FUBP1: variants seen among roughly 807,000 people sequenced by gnomAD.
FUBP1 encodes the protein far upstream element binding protein 1, also known as far upstream element-binding protein 1.
In FUBP1, 16 loss-of-function variants were observed where a neutral mutation model predicts 94.9. The ratio of observed to expected loss-of-function variants is 0.17; its 90% CI spans 0.11 to 0.26. The LOEUF (loss-of-function observed/expected upper bound fraction) is 0.26, where lower values mean the gene tolerates loss of function less well. Ranked by LOEUF, FUBP1 falls within the 10% of genes least tolerant of loss-of-function variation. The probability of loss-of-function intolerance (pLI) is 1.00; values close to 1 mark genes in which losing one functional copy is unlikely to be tolerated. For missense variants in FUBP1, 583 were observed against 808.6 expected, an observed-to-expected ratio of 0.72 and a Z score of 3.38; for synonymous variants, 279 against 254.9, an observed-to-expected ratio of 1.09 and a Z score of -0.90.
chr1:77,949,392 T>C (rs1571214359), intron 18 of FUBP1, 92 bp from the exon 19 acceptor site: 2 of 1,032,148 alleles, frequency 1.9e-6, no homozygotes, highest in East Asian at 4.9e-5. Context: ...CTTGTAATAT[T>C]TCTCCCAAGC....
chr1:77,962,306 T>C (rs765037260), intron 14 of FUBP1, among the ~76,000 whole-genome samples: 1 of 152,150 alleles, frequency 6.6e-6, no homozygotes, highest in African/African-American at 2.4e-5. Flanking sequence ...AGCACCCAAA[T>C]AGTCTACATT....
chr1:77,952,512 G>C (rs1012187980), intron 18 of FUBP1, among the ~76,000 whole-genome samples: 14 of 151,968 alleles, frequency 9.2e-5, no homozygotes, highest in Non-Finnish European at 1.6e-4. Flanking sequence ...CACTAGGATG[G>C]GGAATCAGGA....
Position 77,974,512 on chromosome 1 carries a change from T to C in FUBP1, c.120+4373A>G, listed in dbSNP as rs565753384. On this transcript the variant is annotated intron_variant, in intron 1 of 19. Transcript: ENST00000370768. ...TCAGACTCCTGGGCTCAAGCAATCT[T>C]CCTGACTTAGCTTCTCAAAACACTA... is the stretch of plus-strand genomic sequence containing the variant. Among the ~76,000 whole-genome samples, 3 of 152,242 alleles carry C rather than the reference T, an allele frequency of 2.0e-5. No individual in the cohort carries two copies. The South Asian group carries it at 6.2e-4, about 32-fold the overall frequency.
Position 77,966,761 on chromosome 1 carries a change from AAAAC to A in FUBP1, c.416-14_416-11del, listed in dbSNP as rs1256117062. 3 of 1,530,866 alleles carry A rather than the reference AAAAC, an allele frequency of 2.0e-6. No homozygotes were observed. The highest frequency in any genetic ancestry group is 1.4e-5 in the African/African-American group (1 of 73,276). 94.8% of individuals were successfully genotyped at this position (1,530,866 alleles called of 1,614,324 possible). A position where few individuals can be genotyped will look rare whatever the true frequency, so the allele number is the denominator to read the frequency against. ...GGAAGGCCACCACTGTCTACAATTT[AAAAC>A]AAACAGATAACTTCAGGTCAAAAGA... On this transcript the variant is annotated splice_polypyrimidine_tract_variant and intron_variant, in intron 6 of 19. Coordinates refer to ENST00000370768, the MANE Select transcript of FUBP1 (RefSeq NM_003902.5).
At chr1:77,969,097 TA>T in intron 2 of FUBP1, 2 of 1,157,068 alleles carry the variant, frequency 1.7e-6, no homozygotes, top group South Asian at 1.3e-5. Flanking sequence ...ACACATAAAA[TA>T]AAAAGAATAC....
At chr1:77,978,621 G>A (rs181533556) in intron 1 of FUBP1, among the ~76,000 whole-genome samples, 2 of 152,302 alleles carry the variant, frequency 1.3e-5, no homozygotes, top group East Asian at 3.9e-4. Flanking sequence ...CTGGAGACAC[G>A]CGAGTGCCGC....
chr1:77,947,989 A>T lies in FUBP1; in HGVS notation c.*777T>A. The T allele has an allele frequency of 8.7e-6, 9 of 1,029,204 alleles. No homozygotes were observed. Among genetic ancestry groups the T allele is most frequent in the Non-Finnish European group, 1.1e-5 (9 of 850,774 alleles). The allele number at this position is 1,029,204 out of a possible 1,614,324, so 63.8% of individuals were successfully genotyped here. On this transcript the variant is annotated 3_prime_UTR_variant, in exon 20 of 20. Coordinates refer to ENST00000370768, the MANE Select transcript of FUBP1 (RefSeq NM_003902.5). ...ATATTCACTATCTGAAAACTGTTTA[A>T]AATTAGTTATGCCGAAACAGTCTTG...
chr1:77,978,237 T>C (rs1456658939), intron 1 of FUBP1, among the ~76,000 whole-genome samples: 1 of 152,218 alleles, frequency 6.6e-6, no homozygotes, highest in Non-Finnish European at 1.5e-5. Flanking sequence ...AGAGGTCTGG[T>C]CAGTTTACGA....
At chr1:77,960,660 A>T (rs750258126) in intron 14 of FUBP1, 165 bp from the exon 15 acceptor site, 3 of 540,152 alleles carry the variant, frequency 5.6e-6, no homozygotes. Flanking sequence ...TTCATCTGCC[A>T]TAATAATGAG....
At position 77,979,014 on chromosome 1, in the gene FUBP1, A is replaced by G. The variant is rs776951192; in HGVS notation, c.-10T>C. The G allele has an allele frequency of 1.4e-5, 22 of 1,603,846 alleles. No individual in the cohort carries two copies. The East Asian group carries it at 2.7e-4, about 20-fold the overall frequency. On this transcript the variant is annotated 5_prime_UTR_variant, in exon 1 of 20. Transcript: ENST00000370768. ...TTGAATAGTCTGCCATGGTTGCACT[A>G]TAAGAGCCGCTGCCGCCTGTTCAGA...
rs543457881 is a variant in FUBP1 at position 77,974,228 on chromosome 1, C to T, written c.121-4213G>A. Among the ~76,000 whole-genome samples the T allele has an allele frequency of 8.6e-5, 13 of 151,680 alleles. No individual in the cohort carries two copies. In the South Asian group the frequency reaches 1.7e-3, roughly 20 times the overall value. ...TCGGTTCACTGCAAGCTCCACCTCC[C>T]GGGTTCACGCCATTCTCCTGCCTCA... On this transcript the variant is annotated intron_variant, in intron 1 of 19. Transcript: ENST00000370768.
intron 18 of FUBP1, among the ~76,000 whole-genome samples, chr1:77,954,933 C>T (rs960542274): frequency 2.6e-5 from 4 of 152,104 alleles, no homozygotes; most frequent in Non-Finnish European, 5.9e-5. Flanking sequence ...GTATCACACA[C>T]AATTTTCGCC....
At position 77,965,063 on chromosome 1, in the gene FUBP1, C is replaced by G. The variant is rs1656230672; in HGVS notation, c.636+6G>C. On this transcript the variant is annotated splice_donor_region_variant and intron_variant, in intron 8 of 19. Transcript: ENST00000370768. Reference sequence around the variant, plus strand: ...AAAAGTAGCCATTTCACAAAAATAACAATACCTGAAGCTGTTTAATAGTTT... The same window carrying G: ...AAAAGTAGCCATTTCACAAAAATAAGAATACCTGAAGCTGTTTAATAGTTT... 2 of 1,609,666 alleles carry G rather than the reference C, an allele frequency of 1.2e-6. No homozygotes were observed. The highest frequency in any genetic ancestry group is 8.5e-7 in the Non-Finnish European group (1 of 1,176,472).
intron 1 of FUBP1, among the ~76,000 whole-genome samples, chr1:77,975,166 A>T (rs1285193181): frequency 1.3e-5 from 2 of 152,222 alleles, no homozygotes; most frequent in Non-Finnish European, 2.9e-5. Context: ...ACAGATACAG[A>T]GGTCTGACTT....
At position 77,945,356 on chromosome 1, in the gene FUBP1, T is replaced by G; in HGVS notation, c.*3410A>C. ...AAATGTGGTGTAGTAACTATGTAAC[T>G]TAAGAAATTTAACAGTTCATGGAAC... On this transcript the variant is annotated 3_prime_UTR_variant, in exon 20 of 20. Coordinates refer to ENST00000370768, the MANE Select transcript of FUBP1 (RefSeq NM_003902.5). 4.7e-6 allele frequency: 1 copy of G among 213,702 alleles called. No individual in the cohort carries two copies. Among genetic ancestry groups the G allele is most frequent in the Non-Finnish European group, 9.5e-6 (1 of 105,700 alleles). 13.2% of individuals were successfully genotyped at this position (213,702 alleles called of 1,614,324 possible).
rs370174403 is a variant in FUBP1 at position 77,949,281 on chromosome 1, C to T, written c.1800G>A (p.Pro600=). The T allele has an allele frequency of 2.2e-5, 36 of 1,613,550 alleles. No individual in the cohort carries two copies. The highest frequency in any genetic ancestry group is 6.7e-5 in the East Asian group (3 of 44,894). Residue 600 remains proline (P), a synonymous_variant, in exon 19 of 20, where the codon CCG becomes CCA. Coordinates refer to ENST00000370768, the MANE Select transcript of FUBP1 (RefSeq NM_003902.5). Reference sequence around the variant, plus strand: ...GCTGACCACCTGGAGGAGCCCCAGTCGGAGCAGGAACTGCCTGACCTTTGA... The same window carrying T: ...GCTGACCACCTGGAGGAGCCCCAGTTGGAGCAGGAACTGCCTGACCTTTGA... ...YKKMGQAVPA[P]TGAPPGGQPD...
chr1:77,966,782 G>T (rs2102418339), intron 6 of FUBP1, 31 bp from the exon 7 acceptor site: 1 of 1,437,362 alleles, frequency 7.0e-7, no homozygotes, highest in Non-Finnish European at 9.8e-7. Flanking sequence ...ATAACTTCAG[G>T]TCAAAAGATT....
rs2102374007 is a variant in FUBP1, at chr1:77,962,788, G to C, written c.1326C>G (p.Leu442=). ...TACTCACACCAATCTTTTCTTCTATGAGTTGCCGAGCATAGTCTATCTGTT... is the reference window on the plus strand; with the variant it reads ...TACTCACACCAATCTTTTCTTCTATCAGTTGCCGAGCATAGTCTATCTGTT... The part of the protein sequence containing the change: ...TPQQIDYARQ[L]IEEKIGGPVN... Residue 442 remains leucine, a synonymous_variant, in exon 14 of 20, where the codon CTC becomes CTG. Transcript: ENST00000370768. The C allele has an allele frequency of 6.2e-7, 1 of 1,610,754 alleles. No individual in the cohort carries two copies. The highest frequency in any genetic ancestry group is 1.1e-5 in the South Asian group (1 of 90,792).
At chr1:77,969,185 C>G (rs754103463) in intron 2 of FUBP1, 1 of 349,676 alleles carries the variant, frequency 2.9e-6, no homozygotes, top group Non-Finnish European at 5.8e-6. Context: ...ATGAAAGACA[C>G]TTAAATAAAA....
Sources: gnomAD v4.1 joint callset for allele counts (sites outside exome capture counted in the v4.1 genomes callset) on GRCh38, gnomAD v4.1.1 for gene constraint, MANE v1.5 for transcripts, NCBI Gene and HGNC (gene_info 2026-07-23, HGNC 2026-07-21) for gene names.